The following COL24A1 variants were observed in gnomAD, a reference collection of about 807,000 sequenced individuals.
COL24A1 encodes collagen type XXIV alpha 1 chain, also known as collagen alpha-1(XXIV) chain.
Under a neutral mutation model 253.9 loss-of-function variants are expected in COL24A1, and 224 were observed. That is an observed-to-expected ratio of 0.88 (90% CI 0.79 to 0.99). COL24A1 has a LOEUF of 0.99. Ranked by LOEUF, COL24A1 falls within the 50% of genes least tolerant of loss-of-function variation. The pLI is 0.00. For synonymous variants in COL24A1, 685 were observed against 673.7 expected, an observed-to-expected ratio of 1.02 and a Z score of -0.26; for missense variants, 2,131 against 2,068.5, an observed-to-expected ratio of 1.03 and a Z score of -0.59.
intron 32 of COL24A1, among the ~76,000 whole-genome samples, chr1:85,882,384 G>C (rs963918667): frequency 1.3e-5 from 2 of 152,138 alleles, no homozygotes; most frequent in African/African-American, 4.8e-5. Context: ...AGAATGGCGC[G>C]AACCCGGGAG....
intron 11 of COL24A1, among the ~76,000 whole-genome samples, chr1:86,048,087 T>A (rs1700037999): frequency 6.6e-6 from 1 of 152,152 alleles, no homozygotes; most frequent in African/African-American, 2.4e-5. Context: ...TTTAAAAAAA[T>A]AGAATAATTA....
At position 86,043,912 on chromosome 1, in the gene COL24A1, G is replaced by A. The variant is rs79969129; in HGVS notation, c.1950+2913C>T. Among the ~76,000 whole-genome samples the A allele has an allele frequency of 3.2e-4, 49 of 152,224 alleles. No homozygotes were observed. The East Asian group carries it at 9.3e-3, about 29-fold the overall frequency. On this transcript the variant is annotated intron_variant, in intron 12 of 59. Coordinates refer to ENST00000370571, the MANE Select transcript of COL24A1 (RefSeq NM_152890.7). Reference sequence around the variant, plus strand: ...CCAAAAGTTTCTCAGATACTGGCACGTTCAGATTTCAGCATTTCCAGGTTT... The same window carrying A: ...CCAAAAGTTTCTCAGATACTGGCACATTCAGATTTCAGCATTTCCAGGTTT...
At chr1:85,829,669 C>G (rs533939345) in intron 43 of COL24A1, among the ~76,000 whole-genome samples, 1 of 152,112 alleles carries the variant, frequency 6.6e-6, no homozygotes, top group Admixed American at 6.6e-5. Flanking sequence ...TCATTTCATT[C>G]ACTTCATCTT....
At chr1:85,987,922 A>C (rs1166399373) in intron 19 of COL24A1, among the ~76,000 whole-genome samples, 1 of 151,942 alleles carries the variant, frequency 6.6e-6, no homozygotes, top group East Asian at 1.9e-4. Context: ...GTCTCAGTCC[A>C]AAATTATCCA....
chr1:86,125,556 T>C lies in COL24A1; in HGVS notation c.780A>G (p.Ile260Met). The change falls in exon 3 of 60, where the codon ATA becomes ATG. Residue 260 changes from isoleucine (I) to methionine (M), a missense_variant. Ile to Met is a conservative substitution (Grantham distance 10). Transcript: ENST00000370571. ...GAGAGTGTTCCGGTATCTTTGTTGGTATGAGAGTTGTACAAGGAATGCTTG... is the reference window on the plus strand; with the variant it reads ...GAGAGTGTTCCGGTATCTTTGTTGGCATGAGAGTTGTACAAGGAATGCTTG... Reference protein sequence around the residue: ...PETSIPCTTLIPTKIPEHSPP... With the variant: ...PETSIPCTTLMPTKIPEHSPP... 1 of 1,613,636 alleles carries C rather than the reference T, an allele frequency of 6.2e-7. No individual in the cohort carries two copies. Among genetic ancestry groups the C allele is most frequent in the Non-Finnish European group, 8.5e-7 (1 of 1,179,778 alleles).
intron 24 of COL24A1, among the ~76,000 whole-genome samples, chr1:85,916,641 A>G (rs1362123295): frequency 6.6e-6 from 1 of 152,098 alleles, no homozygotes; most frequent in African/African-American, 2.4e-5. Flanking sequence ...AGCCTGAGTG[A>G]CAGAGCAAGA....
chr1:85,774,615 C>T (rs542282594), intron 53 of COL24A1, among the ~76,000 whole-genome samples: 5 of 152,008 alleles, frequency 3.3e-5, no homozygotes, highest in Non-Finnish European at 7.4e-5. Flanking sequence ...TGTATGTGTC[C>T]AGGAATTTAT....
Position 85,730,420 on chromosome 1 carries a change from G to T in COL24A1, c.*126C>A. The T allele has an allele frequency of 1.0e-6, 1 of 993,330 alleles. No individual in the cohort carries two copies. The highest frequency in any genetic ancestry group is 1.4e-6 in the Non-Finnish European group (1 of 696,362). 61.5% of individuals were successfully genotyped at this position (993,330 alleles called of 1,614,324 possible). On this transcript the variant is annotated 3_prime_UTR_variant, in exon 60 of 60. Transcript: ENST00000370571. ...TTAGGAGGAAGTCTGTTCTTCCTGA[G>T]ATTCTTTAAGATTTAGCCAATGCTT...
At chr1:85,802,349 A>G (rs12727784) in intron 47 of COL24A1, among the ~76,000 whole-genome samples, 57,044 of 151,826 alleles carry the variant, frequency 0.38, 12,220 homozygotes, top group Non-Finnish European at 0.49. Context: ...ACCAAACTTT[A>G]GCCGTACTGG....
chr1:85,784,416 T>C (rs903036464), intron 48 of COL24A1, 50 bp from the exon 49 acceptor site: 1 of 1,406,202 alleles, frequency 7.1e-7, no homozygotes, highest in African/African-American at 1.4e-5. Flanking sequence ...CATATAAACA[T>C]ATTGGCTTTT....
At chr1:85,893,429 G>C (rs746343410) in intron 31 of COL24A1, among the ~76,000 whole-genome samples, 195 of 152,118 alleles carry the variant, frequency 1.3e-3, no homozygotes, top group Non-Finnish European at 2.1e-3. Context: ...AAAAATTATA[G>C]TTGAAGAATT....
chr1:85,787,795 A>G lies in COL24A1; in HGVS notation c.3952-1334T>C, dbSNP rs544786619. ...GGACTTTGGTTCCTTAAGGTCTTCG[A>G]GGAATCACCACACTGTCTTCCACAA... On this transcript the variant is annotated intron_variant, in intron 47 of 59. Coordinates refer to ENST00000370571, the MANE Select transcript of COL24A1 (RefSeq NM_152890.7). Among the ~76,000 whole-genome samples the G allele has an allele frequency of 3.9e-5, 6 of 152,308 alleles. No individual in the cohort carries two copies. The South Asian group carries it at 1.2e-3, about 32-fold the overall frequency.
intron 43 of COL24A1, among the ~76,000 whole-genome samples, chr1:85,838,202 AC>A (rs1247018002): frequency 6.6e-6 from 1 of 152,176 alleles, no homozygotes; most frequent in African/African-American, 2.4e-5. Flanking sequence ...CATGGATCCC[AC>A]ATTTTGTTGG....
At chr1:85,904,444 G>C (rs539557402) in intron 28 of COL24A1, among the ~76,000 whole-genome samples, 2 of 152,204 alleles carry the variant, frequency 1.3e-5, no homozygotes, top group South Asian at 4.2e-4. Flanking sequence ...GACCCAAGAG[G>C]CTAAACCACT....
At chr1:85,995,761 T>C (rs558266908) in intron 19 of COL24A1, among the ~76,000 whole-genome samples, 1 of 152,200 alleles carries the variant, frequency 6.6e-6, no homozygotes, top group African/African-American at 2.4e-5. Flanking sequence ...GATTTCACCC[T>C]CAGTGCTGCT....
chr1:85,799,388 A>G (rs1301582901), intron 47 of COL24A1, among the ~76,000 whole-genome samples: 2 of 69,486 alleles, frequency 2.9e-5, no homozygotes, highest in East Asian at 1.9e-3. Flanking sequence ...CTAAAAAAAA[A>G]AAAAAAAAAA....
rs80262773 is a variant in COL24A1 at position 86,124,899 on chromosome 1, A to G, written c.1437T>C (p.Asn479=). 33,891 of 1,608,390 alleles carry G rather than the reference A, an allele frequency of 0.021. 443 individuals carry two copies. The highest frequency in any genetic ancestry group is 0.042 in the Middle Eastern group (247 of 5,838). Reference sequence around the variant, plus strand: ...TCAGATACTCCATTTCAAGCATTGTATTTAGATCCTCATAATAATAATAAT... The same window carrying G: ...TCAGATACTCCATTTCAAGCATTGTGTTTAGATCCTCATAATAATAATAAT... ...LYDYYYYEDL[N]TMLEMEYLRG... is the part of the protein sequence containing the mutation. Residue 479 remains asparagine (N), a synonymous_variant, in exon 3 of 60, where the codon AAT becomes AAC. Transcript: ENST00000370571.
At chr1:85,793,953 C>T (rs1051906417) in intron 47 of COL24A1, among the ~76,000 whole-genome samples, 10 of 151,428 alleles carry the variant, frequency 6.6e-5, no homozygotes, top group African/African-American at 2.4e-4. Context: ...TAAAGAAACC[C>T]GAAGAGAGAG....
At chr1:86,050,273 T>C (rs1571744289) in intron 10 of COL24A1, 96 bp from the exon 11 acceptor site, 2 of 989,998 alleles carry the variant, frequency 2.0e-6, no homozygotes, top group South Asian at 1.9e-5. Context: ...TTTGTAGTAG[T>C]ACGAAATTAC....
Sources: gnomAD v4.1 joint callset for allele counts (sites outside exome capture counted in the v4.1 genomes callset) on GRCh38, gnomAD v4.1.1 for gene constraint, MANE v1.5 for transcripts, NCBI Gene and HGNC (gene_info 2026-07-23, HGNC 2026-07-21) for gene names.